Variants in SLC38A7 observed in about 807,000 individuals in gnomAD.
The protein encoded by SLC38A7 is sodium-coupled neutral amino acid transporter 7.
SLC38A7 carries 29 observed loss-of-function variants against 50.1 expected under a neutral mutation model. The ratio of observed to expected loss-of-function variants is 0.58; its 90% CI spans 0.43 to 0.79. The LOEUF (loss-of-function observed/expected upper bound fraction) is 0.79. Ranked by LOEUF, SLC38A7 falls within the 30% of genes least tolerant of loss-of-function variation. The probability of loss-of-function intolerance (pLI) is 0.00; values close to 1 mark genes in which losing one functional copy is unlikely to be tolerated. For missense variants in SLC38A7, 483 were observed against 610.6 expected (o/e 0.79, Z 2.20); for synonymous variants, 244 against 245.9 (o/e 0.99, Z 0.07).
At chr16:58,677,116 C>A (rs2044284415) in intron 6 of SLC38A7, among the ~76,000 whole-genome samples, 1 of 152,196 alleles carries the variant, frequency 6.6e-6, no homozygotes, top group Non-Finnish European at 1.5e-5. Flanking sequence ...ATGTAGGTGG[C>A]AAAGTGCCTC....
In SLC38A7 at chr16:58,672,109, G is replaced by A. The variant is rs781708373; in HGVS notation, c.1018C>T (p.His340Tyr). 6 of 1,558,026 alleles carry A rather than the reference G, an allele frequency of 3.9e-6. No individual in the cohort carries two copies. Among genetic ancestry groups the A allele is most frequent in the Non-Finnish European group, 8.7e-7 (1 of 1,150,952 alleles). Residue 340 changes from histidine (H) to tyrosine (Y), a missense_variant, in exon 9 of 12, where the codon CAC (histidine) becomes TAC (tyrosine). Transcript: ENST00000219320. ...AAGGGGGCTCACCGCCCACAGAAGTGCAGGATAGGGTAGGAGGTGAGCACG... is the reference window on the plus strand; with the variant it reads ...AAGGGGGCTCACCGCCCACAGAAGTACAGGATAGGGTAGGAGGTGAGCACG... Reference protein sequence around the residue: ...LSVLTSYPILHFCGRAVVEGL... With the variant: ...LSVLTSYPILYFCGRAVVEGL...
chr16:58,669,990 A>G (rs2044128564), intron 11 of SLC38A7, 123 bp downstream of exon 11: 1 of 890,968 alleles, frequency 1.1e-6, no homozygotes, highest in Non-Finnish European at 1.7e-6. Flanking sequence ...AAAAAAAACA[A>G]AACAAAAACC....
In SLC38A7 at chr16:58,677,431, G is replaced by A. The variant is rs563207918; in HGVS notation, c.612-7C>T. On this transcript the variant is annotated splice_region_variant and splice_polypyrimidine_tract_variant and intron_variant, in intron 5 of 11. Transcript: ENST00000219320. ...ACCCACGACGCTCAGGAAGCTGCCG[G>A]GAAGGAGAGACTAAGTGTCCTCATC... is the stretch of plus-strand genomic sequence containing the variant. 1 of 1,613,676 alleles carries A rather than the reference G, an allele frequency of 6.2e-7. No homozygotes were observed. Among genetic ancestry groups the A allele is most frequent in the South Asian group, 1.1e-5 (1 of 91,086 alleles).
intron 11 of SLC38A7, among the ~76,000 whole-genome samples, chr16:58,667,816 A>C (rs1173437287): frequency 6.6e-6 from 1 of 152,238 alleles, no homozygotes; most frequent in Admixed American, 6.5e-5. Context: ...AACAAAAAGC[A>C]GACATCTGCA....
At chr16:58,671,329 G>C in intron 9 of SLC38A7, 85 bp from the exon 10 acceptor site, 1 of 1,361,040 alleles carries the variant, frequency 7.3e-7, no homozygotes. Context: ...CCCCTAACTG[G>C]GTAGACTGCG....
intron 8 of SLC38A7, among the ~76,000 whole-genome samples, chr16:58,673,083 ATTTTTTTTTTTTTTTTTTT>A (rs34081609): frequency 3.3e-5 from 2 of 60,360 alleles, no homozygotes; most frequent in African/African-American, 1.9e-4. Flanking sequence ...TGCCCGGCTA[ATTTTTTTTTTTTTTTTTTT>A]TTTTTTTTTT....
At chr16:58,670,946 C>T in intron 10 of SLC38A7, 99 bp downstream of exon 10, 2 of 1,289,418 alleles carry the variant, frequency 1.6e-6, no homozygotes, top group Non-Finnish European at 2.2e-6. Flanking sequence ...CTGGTGGTTA[C>T]TCTCTCCTGC....
chr16:58,675,220 A>G (rs1224364702), intron 8 of SLC38A7: 1 of 341,658 alleles, frequency 2.9e-6, no homozygotes, highest in Non-Finnish European at 5.6e-6. Flanking sequence ...TACCTTCCCC[A>G]TTTTAGGCTG....
intron 8 of SLC38A7, among the ~76,000 whole-genome samples, chr16:58,674,945 C>T (rs1009713648): frequency 2.6e-5 from 4 of 152,140 alleles, no homozygotes; most frequent in African/African-American, 9.7e-5. Context: ...TCCTCGATGA[C>T]TCCCAGCAGC....
chr16:58,667,321 T>A lies in SLC38A7; in HGVS notation c.*64A>T. The stretch of plus-strand genomic sequence containing the variant: ...TGATCGTGGACTAAGAATGGCCCCA[T>A]AGCTCTAAGAGATGGGTTCCTGCGA... On this transcript the variant is annotated 3_prime_UTR_variant, in exon 12 of 12. Transcript: ENST00000219320. 6.6e-7 allele frequency: 1 copy of A among 1,511,776 alleles called. No individual in the cohort carries two copies. Among genetic ancestry groups the A allele is most frequent in the Non-Finnish European group, 9.2e-7 (1 of 1,088,258 alleles). 93.6% of individuals were successfully genotyped at this position (1,511,776 alleles called of 1,614,324 possible). A position where few individuals can be genotyped will look rare whatever the true frequency, so the allele number is the denominator to read the frequency against.
rs570530439 is a variant in SLC38A7, at chr16:58,672,150, G to T, written c.977C>A (p.Ala326Asp). Residue 326 changes from alanine (A) to aspartate (D), a missense_variant, in exon 9 of 12, where the codon GCC (alanine) becomes GAC (aspartate). By Grantham distance (126) the Ala-to-Asp change is moderately radical (BLOSUM62 -2). Transcript: ENST00000219320. The part of the protein sequence containing the change: ...SEDMAVAVAR[A>D]FIILSVLTSY... ...GGTGAGCACGCTCAGGATGATGAAG[G>T]CTCGGGCAACGGCCACGGCCATGTC... 5.1e-6 allele frequency: 8 copies of T among 1,563,782 alleles called. No homozygotes were observed. Among genetic ancestry groups the T allele is most frequent in the Middle Eastern group, 1.7e-4 (1 of 5,998 alleles).
At position 58,678,471 on chromosome 16, in the gene SLC38A7, A is replaced by G. The variant is rs770118025; in HGVS notation, c.473T>C (p.Ile158Thr). The G allele has an allele frequency of 3.2e-6, 5 of 1,555,236 alleles. No homozygotes were observed. Among genetic ancestry groups the G allele is most frequent in the South Asian group, 1.2e-5 (1 of 81,260 alleles). ...IIIGDQQDKI[I>T]AVMAKEPEGA... ...CTCCGGCTCTTTCGCCATCACAGCT[A>G]TAACTGCACAGGGAGGAAGGAGGGA... is the stretch of plus-strand genomic sequence containing the variant. Residue 158 changes from isoleucine to threonine, a missense_variant, in exon 5 of 12, where the codon ATA (isoleucine) becomes ACA (threonine). By Grantham distance (89) the Ile-to-Thr change is moderately conservative. Transcript: ENST00000219320. The surrounding 1 kb of genome is among the most constrained non-coding windows in gnomAD (Gnocchi z 4.0).
intron 3 of SLC38A7, 122 bp downstream of exon 3, chr16:58,679,735 T>G: frequency 7.7e-7 from 1 of 1,290,460 alleles, no homozygotes; most frequent in Non-Finnish European, 1.1e-6. Context: ...ATGTCTGCCA[T>G]GTGTGAGGGA....
rs9922337 is a variant in SLC38A7, at chr16:58,678,593, G to A, written c.469+103C>T. ...GGGAGGATTCCCAGATGAATGCTGG[G>A]CCCAGGTAAGTCCTGGAGAGGTGTT... On this transcript the variant is annotated intron_variant, in intron 4 of 11. Coordinates refer to ENST00000219320, the MANE Select transcript of SLC38A7 (RefSeq NM_018231.3). This position sits in a 1 kb window ranked among gnomAD's most constrained non-coding sequence, Gnocchi z 4.0. The A allele has an allele frequency of 0.025, 38,494 of 1,559,578 alleles. 7,609 individuals are homozygous for A. In the African/African-American group the frequency reaches 0.44, roughly 18 times the overall value.
At chr16:58,674,125 G>A (rs1310826935) in intron 8 of SLC38A7, among the ~76,000 whole-genome samples, 2 of 152,034 alleles carry the variant, frequency 1.3e-5, no homozygotes, top group African/African-American at 4.8e-5. Context: ...ATGCCTGGCG[G>A]ACGCCCAGCT....
intron 11 of SLC38A7, 84 bp downstream of exon 11, chr16:58,670,029 C>G: frequency 8.3e-7 from 1 of 1,203,428 alleles, no homozygotes; most frequent in Non-Finnish European, 1.2e-6. Context: ...AAGCCTCTGA[C>G]TCCTATCTGT....
chr16:58,669,507 G>A (rs951632924), intron 11 of SLC38A7, among the ~76,000 whole-genome samples: 2 of 152,180 alleles, frequency 1.3e-5, no homozygotes, highest in Admixed American at 6.6e-5. Context: ...ATGTACAGAA[G>A]TGGTTGAGGA....
chr16:58,681,241 C>T (rs1236244070), intron 2 of SLC38A7: 2 of 152,178 alleles, frequency 1.3e-5, no homozygotes, highest in Admixed American at 1.3e-4. Flanking sequence ...ACCACTCTCC[C>T]CTCAGTCATA....
At chr16:58,670,987 G>A in intron 10 of SLC38A7, 58 bp downstream of exon 10, 1 of 1,540,664 alleles carries the variant, frequency 6.5e-7, no homozygotes, top group East Asian at 2.4e-5. Flanking sequence ...GCTGAGGCTA[G>A]GCAGGCCCTG....
Sources: gnomAD v4.1 joint callset for allele counts (sites outside exome capture counted in the v4.1 genomes callset) on GRCh38, gnomAD v4.1.1 for gene constraint, Gnocchi (gnomAD v3.1) non-coding constraint, MANE v1.5 for transcripts, NCBI Gene and HGNC (gene_info 2026-07-23, HGNC 2026-07-21) for gene names.